Variants in TFCP2L1 observed in about 807,000 individuals in gnomAD.
TFCP2L1 encodes the protein transcription factor CP2-like protein 1.
A neutral mutation model predicts 72.2 loss-of-function variants in TFCP2L1; 12 were observed. The ratio of observed to expected loss-of-function variants is 0.17; its 90% CI spans 0.11 to 0.27. The LOEUF (loss-of-function observed/expected upper bound fraction) is 0.27, where lower values mean the gene tolerates loss of function less well. TFCP2L1 is among the 10% of genes least tolerant of loss of function. The pLI is 1.00. For synonymous variants in TFCP2L1, 260 were observed against 251.0 expected (o/e 1.04, Z -0.34); for missense variants, 488 against 624.6 (o/e 0.78, Z 2.33).
At position 121,246,984 on chromosome 2, in the gene TFCP2L1, C is replaced by T. The variant is rs750121391; in HGVS notation, c.505-14G>A. ...GATGCAGTGTACCTGGGAGGAGAAA[C>T]GTTGGGCAGGTGGCAAGGAGGCACC... On this transcript the variant is annotated splice_polypyrimidine_tract_variant and intron_variant, in intron 5 of 14. Transcript: ENST00000263707. 5.6e-6 allele frequency: 9 copies of T among 1,613,768 alleles called. No homozygotes were observed. The highest frequency in any genetic ancestry group is 3.3e-5 in the Admixed American group (2 of 59,974).
chr2:121,237,034 C>G (rs549288075), intron 10 of TFCP2L1, among the ~76,000 whole-genome samples: 1 of 152,194 alleles, frequency 6.6e-6, no homozygotes, highest in Non-Finnish European at 1.5e-5. Context: ...CTGTGGCATC[C>G]GCTCCTCTAG....
chr2:121,282,555 C>A (rs1687286627), intron 1 of TFCP2L1, among the ~76,000 whole-genome samples: 1 of 151,338 alleles, frequency 6.6e-6, no homozygotes, highest in Non-Finnish European at 1.5e-5. Flanking sequence ...AAACAAAAAA[C>A]CCAGCATTTT....
intron 4 of TFCP2L1, among the ~76,000 whole-genome samples, chr2:121,248,598 C>A (rs1008472818): frequency 2.6e-5 from 4 of 152,150 alleles, no homozygotes; most frequent in African/African-American, 4.8e-5. Flanking sequence ...CACCTGGCCA[C>A]AAGGATTATG....
In TFCP2L1 at chr2:121,224,016, A is replaced by T; in HGVS notation, c.*325T>A. The T allele has an allele frequency of 2.7e-6, 1 of 371,116 alleles. No individual in the cohort carries two copies. Among genetic ancestry groups the T allele is most frequent in the Non-Finnish European group, 5.0e-6 (1 of 201,642 alleles). 23.0% of individuals were successfully genotyped at this position (371,116 alleles called of 1,614,324 possible). ...GCACCAAGATACCCAATCAGCTTCC[A>T]ACTAAGGGATGAGGGATTTCAGAGC... On this transcript the variant is annotated 3_prime_UTR_variant, in exon 15 of 15. Transcript: ENST00000263707.
chr2:121,248,263 T>C lies in TFCP2L1; in HGVS notation c.405A>G (p.Pro135=), dbSNP rs753692552. The C allele has an allele frequency of 8.7e-6, 14 of 1,613,260 alleles. No individual in the cohort carries two copies. In the Admixed American group the frequency reaches 1.3e-4, roughly 15 times the overall value. ...PGDRILDIDI[P]LSVGILDPRA... is the part of the protein sequence containing the mutation. The stretch of plus-strand genomic sequence containing the variant: ...TGGGGTCCAAGATACCAACAGACAG[T>C]GGAATATCTGCATACACACACACAC... Residue 135 remains proline (P), a synonymous_variant, in exon 5 of 15, where the codon CCA becomes CCG. Coordinates refer to ENST00000263707, the MANE Select transcript of TFCP2L1 (RefSeq NM_014553.3).
At position 121,226,182 on chromosome 2, in the gene TFCP2L1, A is replaced by G. The variant is rs112643359; in HGVS notation, c.1342-569T>C. ...GGAATGCGGTAAACACCACTGCCAC[A>G]GTGTCTACGAATGCAGCAGGAACAT... is the stretch of plus-strand genomic sequence containing the variant. On this transcript the variant is annotated intron_variant, in intron 13 of 14. Transcript: ENST00000263707. Among the ~76,000 whole-genome samples the G allele has an allele frequency of 3.2e-3, 464 of 146,118 alleles. 19 individuals carry two copies. Among genetic ancestry groups the G allele is most frequent in the African/African-American group, 0.012 (423 of 35,902 alleles).
intron 2 of TFCP2L1, among the ~76,000 whole-genome samples, chr2:121,274,710 A>AG (rs1468917481): frequency 6.6e-6 from 1 of 152,182 alleles, no homozygotes; most frequent in African/African-American, 2.4e-5. Flanking sequence ...ACACTTTGGG[A>AG]GGCCAAGGAG....
intron 12 of TFCP2L1, among the ~76,000 whole-genome samples, chr2:121,233,115 T>C (rs13399723): frequency 0.019 from 2,884 of 152,178 alleles, 104 homozygotes; most frequent in African/African-American, 0.065. Context: ...TCCAGGAGTT[T>C]CAGACCAGCC....
chr2:121,280,108 C>T (rs184989711), intron 2 of TFCP2L1, among the ~76,000 whole-genome samples: 1 of 152,206 alleles, frequency 6.6e-6, no homozygotes, highest in Admixed American at 6.5e-5. Flanking sequence ...CAACCACTAT[C>T]ATACCAGGCA....
chr2:121,237,846 C>T lies in TFCP2L1; in HGVS notation c.865G>A (p.Ala289Thr), dbSNP rs201414273. 1.5e-5 allele frequency: 24 copies of T among 1,614,032 alleles called. No homozygotes were observed. Among genetic ancestry groups the T allele is most frequent in the East Asian group, 6.7e-5 (3 of 44,864 alleles). Reference sequence around the variant, plus strand: ...GCCTCCACCGGGTGGGTCGGAGAGGCGTTGCTGCAAGGAAAAGGAACCAGT... The same window carrying T: ...GCCTCCACCGGGTGGGTCGGAGAGGTGTTGCTGCAAGGAAAAGGAACCAGT... ...PNSFGLGEGN[A>T]SPTHPVEALP... Residue 289 changes from alanine to threonine, a missense_variant, in exon 9 of 15, where the codon GCC becomes ACC. Around this residue, in one of 3 missense-constraint regions of TFCP2L1, gnomAD observed 286 missense variants for 329.0 expected, o/e 0.87. Transcript: ENST00000263707.
intron 12 of TFCP2L1, 104 bp downstream of exon 12, chr2:121,233,987 T>C (rs1686194857): frequency 2.0e-6 from 2 of 1,015,964 alleles, no homozygotes; most frequent in South Asian, 2.7e-5. Context: ...AGCCCAGGAC[T>C]GTCCTGCACA....
At chr2:121,280,863 T>C (rs1453234163) in intron 2 of TFCP2L1, among the ~76,000 whole-genome samples, 1 of 151,432 alleles carries the variant, frequency 6.6e-6, no homozygotes, top group Admixed American at 6.6e-5. Flanking sequence ...ATGGAGGGGC[T>C]ATAGGAGGAA....
chr2:121,227,502 T>G (rs895282071), intron 13 of TFCP2L1, among the ~76,000 whole-genome samples: 3 of 151,268 alleles, frequency 2.0e-5, no homozygotes, highest in Non-Finnish European at 4.4e-5. Flanking sequence ...GCCAACATGG[T>G]GAAACCCCAT....
At chr2:121,275,331 G>A (rs1462427611) in intron 2 of TFCP2L1, among the ~76,000 whole-genome samples, 5 of 140,080 alleles carry the variant, frequency 3.6e-5, no homozygotes, top group African/African-American at 5.3e-5. Flanking sequence ...CCCAGGAGGC[G>A]AAGCTGGCAG....
intron 5 of TFCP2L1, 49 bp from the exon 6 acceptor site, chr2:121,247,019 G>A: frequency 6.2e-7 from 1 of 1,608,490 alleles, no homozygotes; most frequent in Non-Finnish European, 8.5e-7. Context: ...CAAGCAGGGT[G>A]CCCCTGGATC....
In TFCP2L1 at chr2:121,272,046, G is replaced by A. The variant is rs182249958; in HGVS notation, c.214+9074C>T. On this transcript the variant is annotated intron_variant, in intron 2 of 14. Coordinates refer to ENST00000263707, the MANE Select transcript of TFCP2L1 (RefSeq NM_014553.3). ...TACCAAGTGACAGAGCTCCTGCACCGAAGTGCCTGGCCTAGAATCCTGCCT... is the reference window on the plus strand; with the variant it reads ...TACCAAGTGACAGAGCTCCTGCACCAAAGTGCCTGGCCTAGAATCCTGCCT... Among the ~76,000 whole-genome samples, 490 of 152,212 alleles carry A rather than the reference G, an allele frequency of 3.2e-3. 5 individuals are homozygous for A. The highest frequency in any genetic ancestry group is 1.9e-3 in the Non-Finnish European group (126 of 68,008).
rs1038150729 is a variant in TFCP2L1 at position 121,217,427 on chromosome 2, G to C, written c.*6914C>G. 6.6e-6 allele frequency: 1 copy of C among 152,334 alleles called. No individual in the cohort carries two copies. Among genetic ancestry groups the C allele is most frequent in the Non-Finnish European group, 1.5e-5 (1 of 68,136 alleles). 9.4% of individuals were successfully genotyped at this position (152,334 alleles called of 1,614,324 possible). ...GGCTGGATGGCCACAGCCGGACCTC[G>C]GACCCATCTCCCGTGGGACTCCTTC... is the stretch of plus-strand genomic sequence containing the variant. On this transcript the variant is annotated 3_prime_UTR_variant, in exon 15 of 15. Coordinates refer to ENST00000263707, the MANE Select transcript of TFCP2L1 (RefSeq NM_014553.3).
chr2:121,220,432 T>A lies in TFCP2L1; in HGVS notation c.*3909A>T, dbSNP rs2104645327. Reference sequence around the variant, plus strand: ...CCTTCATCCAGAAAGGACAACCTGGTAAACAGGAAAGGGTTTATCTCAACC... The same window carrying A: ...CCTTCATCCAGAAAGGACAACCTGGAAAACAGGAAAGGGTTTATCTCAACC... On this transcript the variant is annotated 3_prime_UTR_variant, in exon 15 of 15. Transcript: ENST00000263707. 1 of 152,324 alleles carries A rather than the reference T, an allele frequency of 6.6e-6. No homozygotes were observed. Among genetic ancestry groups the A allele is most frequent in the African/African-American group, 2.4e-5 (1 of 41,572 alleles). 9.4% of individuals were successfully genotyped at this position (152,324 alleles called of 1,614,324 possible). A position where few individuals can be genotyped will look rare whatever the true frequency, so the allele number is the denominator to read the frequency against.
chr2:121,225,651 G>C (rs116050964), intron 13 of TFCP2L1, 38 bp from the exon 14 acceptor site: 1 of 1,611,306 alleles, frequency 6.2e-7, no homozygotes, highest in African/African-American at 1.3e-5. Context: ...CTTCAACCAC[G>C]AGTTCATCAT....
Sources: gnomAD v4.1 joint callset for allele counts (sites outside exome capture counted in the v4.1 genomes callset) on GRCh38, gnomAD v4.1.1 for gene constraint, gnomAD v4.1.1 regional missense constraint, MANE v1.5 for transcripts, NCBI Gene and HGNC (gene_info 2026-07-23, HGNC 2026-07-21) for gene names.